Variants in POGLUT1 observed in about 807,000 individuals in gnomAD.
POGLUT1 encodes the protein protein O-glucosyltransferase 1.
POGLUT1 carries 32 observed loss-of-function variants against 61.3 expected under a neutral mutation model. The ratio of observed to expected loss-of-function variants is 0.52; its 90% CI spans 0.39 to 0.70. The LOEUF (loss-of-function observed/expected upper bound fraction) is 0.70, where lower values mean the gene tolerates loss of function less well. POGLUT1 is among the 30% of genes least tolerant of loss of function. The probability of loss-of-function intolerance (pLI) is 0.00; values close to 1 mark genes in which losing one functional copy is unlikely to be tolerated. For missense variants in POGLUT1, 411 were observed against 469.8 expected (o/e 0.87, Z 1.16); for synonymous variants, 158 against 158.2 (o/e 1.00, Z 0.01).
At chr3:119,484,520 C>T (rs542633921) in intron 5 of POGLUT1, among the ~76,000 whole-genome samples, 2 of 152,320 alleles carry the variant, frequency 1.3e-5, no homozygotes, top group South Asian at 4.1e-4. Flanking sequence ...CTTTATAGAG[C>T]ACTTAGTCTG....
At position 119,486,859 on chromosome 3, in the gene POGLUT1, T is replaced by C; in HGVS notation, c.665T>C (p.Ile222Thr). Residue 222 changes from isoleucine (I) to threonine (T), a missense_variant, in exon 7 of 11, where the codon ATT (isoleucine) becomes ACT (threonine). Physicochemically the swap from Ile to Thr is moderately conservative, Grantham distance 89. Coordinates refer to ENST00000295588, the MANE Select transcript of POGLUT1 (RefSeq NM_152305.3). Reference sequence around the variant, plus strand: ...ACAAGTCCAGAACGAGATCCTCTCATTCTTCTGTCTCGGAAAAACCCAAAA... The same window carrying C: ...ACAAGTCCAGAACGAGATCCTCTCACTCTTCTGTCTCGGAAAAACCCAAAA... ...SRTSPERDPL[I>T]LLSRKNPKLV... 4 of 1,613,464 alleles carry C rather than the reference T, an allele frequency of 2.5e-6. No individual in the cohort carries two copies. The highest frequency in any genetic ancestry group is 2.2e-5 in the East Asian group (1 of 44,884).
chr3:119,486,812 TG>T lies in POGLUT1; in HGVS notation c.639-20del. On this transcript the variant is annotated intron_variant, in intron 6 of 10. Transcript: ENST00000295588. Reference sequence around the variant, plus strand: ...TTCTAATACAGGCCACACAGTTTTATGTCACGTGTTTCTTTTATAGGACAAG... The same window carrying T: ...TTCTAATACAGGCCACACAGTTTTATTCACGTGTTTCTTTTATAGGACAAG... 6.6e-7 allele frequency: 1 copy of T among 1,521,142 alleles called. No homozygotes were observed. Among genetic ancestry groups the T allele is most frequent in the Non-Finnish European group, 9.1e-7 (1 of 1,095,486 alleles). 94.2% of individuals were successfully genotyped at this position (1,521,142 alleles called of 1,614,324 possible).
intron 4 of POGLUT1, 169 bp from the exon 5 acceptor site, chr3:119,479,882 T>A: frequency 1.3e-6 from 2 of 1,492,216 alleles, no homozygotes; most frequent in Non-Finnish European, 1.8e-6. Flanking sequence ...TAATCCATAG[T>A]CACTTTTGCC....
At chr3:119,490,306 T>A in intron 8 of POGLUT1, 1 of 501,928 alleles carries the variant, frequency 2.0e-6, no homozygotes, top group Non-Finnish European at 3.6e-6. Context: ...TAGTGCTGTC[T>A]GGAGAAAATA....
chr3:119,480,212 G>A (rs757546755), intron 5 of POGLUT1, 40 bp downstream of exon 5: 2 of 1,462,684 alleles, frequency 1.4e-6, no homozygotes, highest in Non-Finnish European at 9.2e-7. Flanking sequence ...CTCTTTCTGG[G>A]TTTTCTTGAA....
intron 5 of POGLUT1, among the ~76,000 whole-genome samples, chr3:119,480,402 C>T (rs2081592249): frequency 6.6e-6 from 1 of 151,972 alleles, no homozygotes; most frequent in Non-Finnish European, 1.5e-5. Flanking sequence ...GCATGTGCCA[C>T]CACACCCGGC....
intron 1 of POGLUT1, 183 bp downstream of exon 1, chr3:119,469,289 G>A: frequency 1.7e-6 from 1 of 601,990 alleles, no homozygotes; most frequent in South Asian, 2.0e-5. Flanking sequence ...CTCCTGCTCT[G>A]GACCCTGGAG....
At chr3:119,471,056 C>G (rs922910970) in intron 2 of POGLUT1, among the ~76,000 whole-genome samples, 2 of 152,206 alleles carry the variant, frequency 1.3e-5, no homozygotes, top group Admixed American at 1.3e-4. Context: ...TACAGAACTG[C>G]CAAGGGAGGG....
intron 7 of POGLUT1, chr3:119,488,381 C>A (rs1027380621): frequency 1.3e-5 from 2 of 152,030 alleles, no homozygotes; most frequent in African/African-American, 4.8e-5. Context: ...ACTAACAGTT[C>A]CAAATGTTAA....
At chr3:119,487,011 A>C (rs964039414) in intron 7 of POGLUT1, 79 bp downstream of exon 7, 1 of 933,232 alleles carries the variant, frequency 1.1e-6, no homozygotes, top group African/African-American at 1.6e-5. Flanking sequence ...GTAGAATTTG[A>C]GATTAGGTTT....
At chr3:119,487,685 C>A (rs750814149) in intron 7 of POGLUT1, among the ~76,000 whole-genome samples, 24 of 152,034 alleles carry the variant, frequency 1.6e-4, no homozygotes, top group Non-Finnish European at 2.5e-4. Flanking sequence ...AAATATTATT[C>A]TTTTGCCTTT....
chr3:119,482,486 C>T (rs140814651), intron 5 of POGLUT1, among the ~76,000 whole-genome samples: 3 of 152,256 alleles, frequency 2.0e-5, no homozygotes, highest in Non-Finnish European at 2.9e-5. Flanking sequence ...GTTACTCCAC[C>T]GTGTAGTTAT....
At chr3:119,480,755 T>C (rs2081596937) in intron 5 of POGLUT1, among the ~76,000 whole-genome samples, 1 of 151,418 alleles carries the variant, frequency 6.6e-6, no homozygotes, top group Admixed American at 6.6e-5. Flanking sequence ...TTTTTTTTTT[T>C]TGCGACACAG....
rs1159205384 is a variant in POGLUT1, at chr3:119,490,730, TC to T, written c.965+17del. The T allele has an allele frequency of 6.2e-7, 1 of 1,610,934 alleles. No individual in the cohort carries two copies. The highest frequency in any genetic ancestry group is 2.2e-5 in the East Asian group (1 of 44,860). On this transcript the variant is annotated intron_variant, in intron 9 of 10. Coordinates refer to ENST00000295588, the MANE Select transcript of POGLUT1 (RefSeq NM_152305.3). ...CTCTCCAATGTCCAGTAAGCAGTTA[TC>T]CCCCAATGCAGAGTTTCTAAAGACC... is the stretch of plus-strand genomic sequence containing the variant.
Position 119,491,536 on chromosome 3 carries a change from A to G in POGLUT1, c.984A>G (p.Val328=). Residue 328 remains valine (V), a synonymous_variant, in exon 10 of 11, where the codon GTA becomes GTG. Transcript: ENST00000295588. ...LSNVQELLQF[V]KANDDVAQEI... is the part of the protein sequence containing the mutation. The stretch of plus-strand genomic sequence containing the variant: ...ATTTTAGAGAGCTGTTACAATTTGT[A>G]AAAGCAAATGATGATGTAGCTCAAG... The G allele has an allele frequency of 6.5e-7, 1 of 1,548,252 alleles. No individual in the cohort carries two copies. Among genetic ancestry groups the G allele is most frequent in the Non-Finnish European group, 8.8e-7 (1 of 1,131,544 alleles).
In POGLUT1 at chr3:119,493,592, C is replaced by T. The variant is rs2107721344; in HGVS notation, c.*1154C>T. The T allele has an allele frequency of 6.6e-6, 1 of 152,250 alleles. No individual in the cohort carries two copies. Among genetic ancestry groups the T allele is most frequent in the East Asian group, 1.9e-4 (1 of 5,186 alleles). The allele number at this position is 152,250 out of a possible 1,614,324, so 9.4% of individuals were successfully genotyped here. On this transcript the variant is annotated 3_prime_UTR_variant, in exon 11 of 11. Coordinates refer to ENST00000295588, the MANE Select transcript of POGLUT1 (RefSeq NM_152305.3). ...TTCCACAGAGAAATCACCTCTCTTC[C>T]TTTGTCTTTTAAGAACTATTTGGTA...
chr3:119,470,783 T>C (rs937999578), intron 2 of POGLUT1, among the ~76,000 whole-genome samples: 2 of 152,238 alleles, frequency 1.3e-5, no homozygotes, highest in Non-Finnish European at 2.9e-5. Context: ...CTCAAAAAAT[T>C]CCTTGGATGC....
At chr3:119,475,681 C>T (rs1192980752) in intron 3 of POGLUT1, among the ~76,000 whole-genome samples, 2 of 151,940 alleles carry the variant, frequency 1.3e-5, no homozygotes, top group Non-Finnish European at 2.9e-5. Context: ...GGCATGGTGG[C>T]CTGTGCCTGT....
chr3:119,482,736 T>A (rs940731267), intron 5 of POGLUT1, among the ~76,000 whole-genome samples: 1 of 152,252 alleles, frequency 6.6e-6, no homozygotes, highest in Non-Finnish European at 1.5e-5. Flanking sequence ...TCTGCACTGA[T>A]GTCTGCCTGC....
Sources: gnomAD v4.1 joint callset for allele counts (sites outside exome capture counted in the v4.1 genomes callset) on GRCh38, gnomAD v4.1.1 for gene constraint, MANE v1.5 for transcripts, NCBI Gene and HGNC (gene_info 2026-07-23, HGNC 2026-07-21) for gene names.